The following TMEM132D variants were observed in gnomAD, a reference collection of about 807,000 sequenced individuals.
TMEM132D encodes mature OL transmembrane protein.
In TMEM132D, 21 loss-of-function variants were observed where a neutral mutation model predicts 62.3. The observed-to-expected ratio is 0.34, with a 90% CI of 0.24 to 0.49. TMEM132D has a LOEUF of 0.49. Among genes scored for constraint, TMEM132D ranks in the 20% least tolerant of loss-of-function variants. TMEM132D has a pLI of 0.99. For synonymous variants in TMEM132D, 621 were observed against 575.6 expected (o/e 1.08, Z -1.13); for missense variants, 1,346 against 1,402.8 (o/e 0.96, Z 0.65).
intron 3 of TMEM132D, among the ~76,000 whole-genome samples, chr12:129,505,303 C>T (rs191803205): frequency 1.9e-4 from 29 of 151,284 alleles, no homozygotes; most frequent in South Asian, 8.3e-4. Flanking sequence ...AGTGCAGTGG[C>T]GCAATCTTGG....
At chr12:129,547,906 C>T (rs932592871) in intron 2 of TMEM132D, among the ~76,000 whole-genome samples, 2 of 152,128 alleles carry the variant, frequency 1.3e-5, no homozygotes, top group Admixed American at 6.5e-5. Flanking sequence ...CGGCCGACTC[C>T]AGGAGCTCTG....
intron 1 of TMEM132D, among the ~76,000 whole-genome samples, chr12:129,749,723 C>G (rs140587883): frequency 6.6e-6 from 1 of 152,260 alleles, no homozygotes; most frequent in East Asian, 1.9e-4. Context: ...CCTCGGCCTC[C>G]CAAAGTGCTG....
intron 2 of TMEM132D, among the ~76,000 whole-genome samples, chr12:129,619,409 G>C (rs867242194): frequency 6.6e-6 from 1 of 152,164 alleles, no homozygotes; most frequent in African/African-American, 2.4e-5. Context: ...TGCTTTAAAT[G>C]CATGTGCAGA....
chr12:129,247,451 A>G (rs147067710), intron 4 of TMEM132D, among the ~76,000 whole-genome samples: 8 of 152,326 alleles, frequency 5.3e-5, no homozygotes, highest in African/African-American at 1.7e-4. Flanking sequence ...GAAATAGGTC[A>G]TGCTCTGGAT....
chr12:129,767,659 G>T (rs1012851827), intron 1 of TMEM132D, among the ~76,000 whole-genome samples: 24 of 152,112 alleles, frequency 1.6e-4, no homozygotes, highest in African/African-American at 5.6e-4. Flanking sequence ...CCATGTTGTA[G>T]CATGTGTCAG....
Position 129,872,617 on chromosome 12 carries a change from G to A in TMEM132D, c.79+30644C>T, listed in dbSNP as rs114949402. 2.3e-3 allele frequency among the ~76,000 whole-genome samples: 357 copies of A among 152,262 alleles called. 5 individuals are homozygous for A. The highest frequency in any genetic ancestry group is 7.8e-3 in the African/African-American group (326 of 41,548). On this transcript the variant is annotated intron_variant, in intron 1 of 8. Coordinates refer to ENST00000422113, the MANE Select transcript of TMEM132D (RefSeq NM_133448.3). Reference sequence around the variant, plus strand: ...CTGTTTAGAAGAGTCATGTTGTTGGGGTCTGTGTCTATCTGAAAGCCACCA... The same window carrying A: ...CTGTTTAGAAGAGTCATGTTGTTGGAGTCTGTGTCTATCTGAAAGCCACCA...
intron 8 of TMEM132D, among the ~76,000 whole-genome samples, chr12:129,076,030 A>G (rs1593251452): frequency 6.6e-6 from 1 of 151,130 alleles, no homozygotes; most frequent in African/African-American, 2.4e-5. Context: ...AGCTGATTGA[A>G]ATGAGACAGC....
At chr12:129,281,668 T>C (rs1188062596) in intron 4 of TMEM132D, among the ~76,000 whole-genome samples, 1 of 152,192 alleles carries the variant, frequency 6.6e-6, no homozygotes, top group Non-Finnish European at 1.5e-5. Context: ...TTATCCTCTA[T>C]GATTGCATAA....
At chr12:129,094,960 C>T (rs1875051906) in intron 5 of TMEM132D, among the ~76,000 whole-genome samples, 1 of 142,936 alleles carries the variant, frequency 7.0e-6, no homozygotes, top group African/African-American at 2.6e-5. Context: ...CATGTTCTCA[C>T]TCATAGGTGG....
chr12:129,822,667 A>G (rs1872567471), intron 1 of TMEM132D, among the ~76,000 whole-genome samples: 1 of 152,180 alleles, frequency 6.6e-6, no homozygotes, highest in African/African-American at 2.4e-5. Flanking sequence ...GCCTCAGGAA[A>G]CCTACAAGCG....
rs145805910 is a variant in TMEM132D at position 129,638,690 on chromosome 12, C to T, written c.968+61120G>A. 3.0e-3 allele frequency among the ~76,000 whole-genome samples: 447 copies of T among 151,466 alleles called. 2 individuals carry two copies. Among genetic ancestry groups the T allele is most frequent in the Middle Eastern group, 0.017 (5 of 290 alleles). ...ACCCATGGAATTCTTTCTGCAGTTTCCGGTATCATCAGTATCTCTTGCTAA... is the reference window on the plus strand; with the variant it reads ...ACCCATGGAATTCTTTCTGCAGTTTTCGGTATCATCAGTATCTCTTGCTAA... On this transcript the variant is annotated intron_variant, in intron 2 of 8. Transcript: ENST00000422113.
intron 4 of TMEM132D, among the ~76,000 whole-genome samples, chr12:129,264,294 C>A (rs77925812): frequency 1.1e-4 from 16 of 152,206 alleles, no homozygotes; most frequent in Non-Finnish European, 2.9e-5. Context: ...GAGGCTGATG[C>A]GGGAGGATTG....
chr12:129,401,248 C>T (rs768128903), intron 3 of TMEM132D, among the ~76,000 whole-genome samples: 1 of 152,174 alleles, frequency 6.6e-6, no homozygotes, highest in South Asian at 2.1e-4. Flanking sequence ...CAGGACCACC[C>T]CATATGCCAG....
chr12:129,735,259 A>C (rs576682460), intron 1 of TMEM132D, among the ~76,000 whole-genome samples: 24 of 152,332 alleles, frequency 1.6e-4, no homozygotes, highest in African/African-American at 5.8e-4. Flanking sequence ...TGAAAGGGCA[A>C]TAACTTCACC....
At chr12:129,159,756 C>A (rs1185585585) in intron 5 of TMEM132D, among the ~76,000 whole-genome samples, 11 of 72,510 alleles carry the variant, frequency 1.5e-4, no homozygotes, top group African/African-American at 4.5e-4. Flanking sequence ...GAGACTCGGG[C>A]TCAAAAAAAA....
chr12:129,126,340 T>C (rs12821217), intron 5 of TMEM132D, among the ~76,000 whole-genome samples: 48,064 of 151,132 alleles, frequency 0.32, 8,347 homozygotes, highest in Non-Finnish European at 0.39. Flanking sequence ...TTTCATTCTC[T>C]TGCCTCAGTT....
At chr12:129,518,465 T>C (rs561273546) in intron 3 of TMEM132D, among the ~76,000 whole-genome samples, 1 of 152,078 alleles carries the variant, frequency 6.6e-6, no homozygotes, top group South Asian at 2.1e-4. Context: ...TAAAATTGTG[T>C]TCTATTTCAC....
intron 5 of TMEM132D, among the ~76,000 whole-genome samples, chr12:129,154,169 G>A (rs903603074): frequency 6.6e-6 from 1 of 152,202 alleles, no homozygotes; most frequent in African/African-American, 2.4e-5. Context: ...TCCAGTGAAG[G>A]GGAGTGAATG....
chr12:129,192,075 A>G (rs1878421277), intron 5 of TMEM132D, among the ~76,000 whole-genome samples: 1 of 152,170 alleles, frequency 6.6e-6, no homozygotes, highest in East Asian at 1.9e-4. Flanking sequence ...CATCTAGTGG[A>G]GGCACAGTGT....
Sources: allele counts gnomAD v4.1 joint callset (sites outside exome capture counted in the v4.1 genomes callset), GRCh38; gene constraint gnomAD v4.1.1; transcripts MANE v1.5; gene names NCBI Gene and HGNC (gene_info 2026-07-23, HGNC 2026-07-21).